Variants in RGS7 observed in about 807,000 individuals in gnomAD.
The protein encoded by RGS7 is regulator of G protein signaling 7, also known as regulator of G-protein signaling 7.
In RGS7, 27 loss-of-function variants were observed where a neutral mutation model predicts 81.1. The ratio of observed to expected loss-of-function variants is 0.33; its 90% confidence interval spans 0.25 to 0.46. The LOEUF is 0.46. RGS7 is among the 20% of genes least tolerant of loss of function. RGS7 has a pLI of 1.00. For missense variants in RGS7, 396 were observed against 607.4 expected (o/e 0.65, Z 3.66); for synonymous variants, 208 against 207.7 (o/e 1.00, Z -0.01).
chr1:241,256,263 G>A (rs1157994495), intron 2 of RGS7, among the ~76,000 whole-genome samples: 2 of 151,774 alleles, frequency 1.3e-5, no homozygotes, highest in Non-Finnish European at 2.9e-5. Context: ...AAAGGCTCTG[G>A]GTGGTTGTAA....
At chr1:240,785,421 C>A (rs1410768921) in intron 18 of RGS7, among the ~76,000 whole-genome samples, 1 of 152,206 alleles carries the variant, frequency 6.6e-6, no homozygotes, top group South Asian at 2.1e-4. Flanking sequence ...GCTGGTAGAA[C>A]CTGCATTAGC....
chr1:241,129,265 A>AAC (rs1487963227), intron 2 of RGS7, among the ~76,000 whole-genome samples: 2 of 94,702 alleles, frequency 2.1e-5, no homozygotes, highest in African/African-American at 8.2e-5. Context: ...ACAAACAAAC[A>AAC]AACAAAAAAA....
intron 14 of RGS7, among the ~76,000 whole-genome samples, chr1:240,806,984 A>AC (rs1688962824): frequency 6.6e-6 from 1 of 152,238 alleles, no homozygotes; most frequent in Non-Finnish European, 1.5e-5. Flanking sequence ...TTATGGAATG[A>AC]CCAAAGCAGC....
chr1:240,974,241 G>A (rs1169546461), intron 4 of RGS7, among the ~76,000 whole-genome samples: 2 of 151,930 alleles, frequency 1.3e-5, no homozygotes, highest in African/African-American at 4.8e-5. Context: ...AACTTTGCAG[G>A]TATTTGTCAT....
intron 4 of RGS7, among the ~76,000 whole-genome samples, chr1:240,944,286 A>G (rs201887485): frequency 0.25 from 3,363 of 13,438 alleles, 70 homozygotes; most frequent in Non-Finnish European, 0.29. Flanking sequence ...GTGTGTGTAT[A>G]TATATATATA....
intron 13 of RGS7, among the ~76,000 whole-genome samples, chr1:240,812,768 T>C (rs1690092044): frequency 6.6e-6 from 1 of 152,172 alleles, no homozygotes; most frequent in South Asian, 2.1e-4. Flanking sequence ...CACAGGGTCA[T>C]GCAGGTATAT....
intron 6 of RGS7, among the ~76,000 whole-genome samples, chr1:240,884,872 A>G (rs746280571): frequency 6.6e-6 from 1 of 152,234 alleles, no homozygotes; most frequent in African/African-American, 2.4e-5. Flanking sequence ...AGACACCAAA[A>G]GCAACTGCAA....
chr1:241,063,446 C>A (rs777925106), intron 3 of RGS7, among the ~76,000 whole-genome samples: 3 of 152,152 alleles, frequency 2.0e-5, no homozygotes, highest in Admixed American at 6.5e-5. Flanking sequence ...CAGGCTTCCA[C>A]ACAGAGATTC....
At chr1:240,861,734 C>T (rs975623415) in intron 9 of RGS7, among the ~76,000 whole-genome samples, 7 of 151,996 alleles carry the variant, frequency 4.6e-5, no homozygotes, top group African/African-American at 9.7e-5. Context: ...AATAATTTCA[C>T]AATTTTTTTT....
chr1:241,113,588 G>T (rs998492083), intron 2 of RGS7, among the ~76,000 whole-genome samples: 1 of 152,060 alleles, frequency 6.6e-6, no homozygotes, highest in South Asian at 2.1e-4. Context: ...TTTGATACTC[G>T]CATGGATAAA....
intron 3 of RGS7, among the ~76,000 whole-genome samples, chr1:241,004,777 T>TGG (rs964736666): frequency 1.3e-5 from 2 of 152,168 alleles, no homozygotes; most frequent in Non-Finnish European, 2.9e-5. Flanking sequence ...CTCTCTGGAC[T>TGG]GGGGGTCTTA....
At chr1:240,926,235 G>A (rs993661918) in intron 6 of RGS7, among the ~76,000 whole-genome samples, 2 of 152,180 alleles carry the variant, frequency 1.3e-5, no homozygotes, top group East Asian at 3.9e-4. Context: ...TGTCCAGAAT[G>A]GTATATCCTA....
At chr1:241,236,953 T>C (rs1043912266) in intron 2 of RGS7, among the ~76,000 whole-genome samples, 2 of 152,230 alleles carry the variant, frequency 1.3e-5, no homozygotes, top group Admixed American at 1.3e-4. Flanking sequence ...TTTGCCCATT[T>C]TAGTCTGTTA....
chr1:241,323,136 T>C (rs2081302876), intron 2 of RGS7, among the ~76,000 whole-genome samples: 1 of 152,238 alleles, frequency 6.6e-6, no homozygotes, highest in South Asian at 2.1e-4. Flanking sequence ...CCAAACTGCT[T>C]TGATATTTTC....
chr1:240,871,606 A>T (rs373405807), intron 6 of RGS7, among the ~76,000 whole-genome samples: 24 of 152,344 alleles, frequency 1.6e-4, no homozygotes, highest in African/African-American at 5.8e-4. Context: ...GTCAGACTTC[A>T]TAAACAAAAG....
intron 2 of RGS7, among the ~76,000 whole-genome samples, chr1:241,278,325 T>C (rs935940363): frequency 3.3e-5 from 5 of 152,234 alleles, no homozygotes; most frequent in Admixed American, 3.3e-4. Flanking sequence ...ACAGATATTT[T>C]GCATTGGGAA....
chr1:241,140,394 C>T (rs2067844384), intron 2 of RGS7, among the ~76,000 whole-genome samples: 1 of 152,120 alleles, frequency 6.6e-6, no homozygotes, highest in African/African-American at 2.4e-5. Flanking sequence ...GGTCCCTTAA[C>T]CTTGTCAACC....
At chr1:240,989,255 T>C (rs1205184449) in intron 3 of RGS7, among the ~76,000 whole-genome samples, 1 of 150,550 alleles carries the variant, frequency 6.6e-6, no homozygotes, top group East Asian at 2.0e-4. Flanking sequence ...CTGGCCAACA[T>C]GGTGACACCC....
chr1:240,856,503 G>C (rs552691027), intron 9 of RGS7, among the ~76,000 whole-genome samples: 15 of 152,178 alleles, frequency 9.9e-5, no homozygotes, highest in African/African-American at 2.9e-4. Flanking sequence ...GAAAATCAAA[G>C]AAATGTACCA....
Sources: gnomAD v4.1 joint callset for allele counts (sites outside exome capture counted in the v4.1 genomes callset) on GRCh38, gnomAD v4.1.1 for gene constraint, MANE v1.5 for transcripts, NCBI Gene and HGNC (gene_info 2026-07-23, HGNC 2026-07-21) for gene names.